The following EXOC4 variants were observed in gnomAD, a reference collection of about 807,000 sequenced individuals.
The protein encoded by EXOC4 is SEC8-like 1.
In EXOC4, 71 loss-of-function variants were observed where a neutral mutation model predicts 107.2. That is an observed-to-expected ratio of 0.66 (90% confidence interval 0.55 to 0.81). EXOC4 has a LOEUF of 0.81. Ranked by LOEUF, EXOC4 falls within the 30% of genes least tolerant of loss-of-function variation. The pLI is 0.00. For synonymous variants in EXOC4, 456 were observed against 441.2 expected (o/e 1.03, Z -0.42); for missense variants, 1,108 against 1,189.6 (o/e 0.93, Z 1.01).
the EXOC4 span, among the ~76,000 whole-genome samples, chr7:134,076,812 C>G: frequency 6.6e-6 from 1 of 151,828 alleles, no homozygotes; most frequent in Non-Finnish European, 1.5e-5. Context: ...CTTTGCACCC[C>G]TAGAATTACA....
At chr7:133,533,660 C>T (rs1463547493) in intron 9 of EXOC4, among the ~76,000 whole-genome samples, 1 of 152,088 alleles carries the variant, frequency 6.6e-6, no homozygotes, top group Non-Finnish European at 1.5e-5. Context: ...TTCTGTGTTA[C>T]CTTTAAAAAG....
rs545046855 is a variant in EXOC4, at chr7:133,673,124, T to C, written c.1514+42983T>C. Among the ~76,000 whole-genome samples, 17 of 152,282 alleles carry C rather than the reference T, an allele frequency of 1.1e-4. No individual in the cohort carries two copies. In the South Asian group the frequency reaches 3.5e-3, roughly 32 times the overall value. On this transcript the variant is annotated intron_variant, in intron 10 of 17. Transcript: ENST00000253861. ...TAGAGGAGCTGGATTGGAGATAGCC[T>C]CAGTATTTCTTATTTCAGCAGTTGA...
chr7:133,368,641 T>G (rs985761005), intron 6 of EXOC4, among the ~76,000 whole-genome samples: 1 of 152,218 alleles, frequency 6.6e-6, no homozygotes, highest in Admixed American at 6.5e-5. Flanking sequence ...CCATGTCTAT[T>G]TAATAGAGAG....
At chr7:133,453,945 AAAG>A (rs1798406991) in intron 7 of EXOC4, among the ~76,000 whole-genome samples, 2 of 152,148 alleles carry the variant, frequency 1.3e-5, no homozygotes, top group Non-Finnish European at 2.9e-5. Context: ...TACAAGAGAT[AAAG>A]AAGAAGTGTA....
chr7:133,946,389 C>T (rs11764961), intron 14 of EXOC4, among the ~76,000 whole-genome samples: 1 of 152,086 alleles, frequency 6.6e-6, no homozygotes, highest in South Asian at 2.1e-4. Flanking sequence ...GGCCTTATCT[C>T]ATTAACATTA....
chr7:133,838,682 GGTA>G (rs1354801086), intron 11 of EXOC4, among the ~76,000 whole-genome samples: 5 of 152,160 alleles, frequency 3.3e-5, no homozygotes, highest in African/African-American at 9.7e-5. Context: ...GCAAGTCCAT[GGTA>G]CTACTTTACA....
intron 5 of EXOC4, among the ~76,000 whole-genome samples, chr7:133,327,562 C>T (rs909928856): frequency 6.6e-6 from 1 of 152,142 alleles, no homozygotes; most frequent in African/African-American, 2.4e-5. Context: ...CCTGCTTTCT[C>T]TTGTGGGCAT....
In EXOC4 at chr7:133,981,581, T is replaced by C. The variant is rs577041592; in HGVS notation, c.2207-15911T>C. 6.6e-5 allele frequency among the ~76,000 whole-genome samples: 10 copies of C among 151,628 alleles called. No individual in the cohort carries two copies. The East Asian group carries it at 1.9e-3, about 30-fold the overall frequency. Reference sequence around the variant, plus strand: ...CTCACACCAGTCAGAATAGCTATTATTAAAAAGTCAGAAAAATAACAAATG... The same window carrying C: ...CTCACACCAGTCAGAATAGCTATTACTAAAAAGTCAGAAAAATAACAAATG... On this transcript the variant is annotated intron_variant, in intron 14 of 17. Transcript: ENST00000253861.
chr7:133,904,430 A>G (rs1171883751), intron 12 of EXOC4, among the ~76,000 whole-genome samples: 2 of 152,180 alleles, frequency 1.3e-5, no homozygotes, highest in Non-Finnish European at 2.9e-5. Flanking sequence ...CCAAACAGCA[A>G]ACTCTATCTC....
chr7:133,555,904 C>T (rs922739961), intron 9 of EXOC4, among the ~76,000 whole-genome samples: 4 of 152,264 alleles, frequency 2.6e-5, no homozygotes, highest in African/African-American at 4.8e-5. Context: ...AACCACTTGA[C>T]GTGATTTTTC....
chr7:133,321,622 T>C (rs546471666), intron 5 of EXOC4, among the ~76,000 whole-genome samples: 2 of 152,338 alleles, frequency 1.3e-5, no homozygotes, highest in South Asian at 2.1e-4. Flanking sequence ...ATCCAGTCTA[T>C]CATTGATGGA....
At chr7:133,626,659 G>A (rs932222814) in intron 9 of EXOC4, among the ~76,000 whole-genome samples, 1 of 152,198 alleles carries the variant, frequency 6.6e-6, no homozygotes, top group African/African-American at 2.4e-5. Flanking sequence ...TCTGTAGCTA[G>A]CAGGGGTTTA....
chr7:133,813,457 C>T (rs60103819), intron 10 of EXOC4, among the ~76,000 whole-genome samples: 3,912 of 152,150 alleles, frequency 0.026, 174 homozygotes, highest in African/African-American at 0.088. Flanking sequence ...AAAAGAGTTT[C>T]GGTGTATTTA....
chr7:133,900,451 A>G (rs924302068), intron 12 of EXOC4, among the ~76,000 whole-genome samples: 2 of 152,304 alleles, frequency 1.3e-5, no homozygotes, highest in Middle Eastern at 3.4e-3. Flanking sequence ...AATGTCTAGG[A>G]TGTGGAAAGG....
In EXOC4 at chr7:133,946,755, C is replaced by T. The variant is rs77526105; in HGVS notation, c.2206+8686C>T. Among the ~76,000 whole-genome samples the T allele has an allele frequency of 4.5e-4, 69 of 152,322 alleles. 1 individual carries two copies. The East Asian group carries it at 0.013, about 29-fold the overall frequency. On this transcript the variant is annotated intron_variant, in intron 14 of 17. Coordinates refer to ENST00000253861, the MANE Select transcript of EXOC4 (RefSeq NM_021807.4). ...GACCTCTCTGTCTCCTTCTGTTTATCGTGCAAGCTTCAGACTGACCCCAGT... is the reference window on the plus strand; with the variant it reads ...GACCTCTCTGTCTCCTTCTGTTTATTGTGCAAGCTTCAGACTGACCCCAGT...
At chr7:134,095,043 C>G in the EXOC4 span, among the ~76,000 whole-genome samples, 1 of 151,966 alleles carries the variant, frequency 6.6e-6, no homozygotes, top group South Asian at 2.1e-4. Flanking sequence ...GGATTCTATA[C>G]CTTGAAAACC....
chr7:133,949,495 G>C (rs946064342), intron 14 of EXOC4, among the ~76,000 whole-genome samples: 1 of 152,178 alleles, frequency 6.6e-6, no homozygotes, highest in Non-Finnish European at 1.5e-5. Flanking sequence ...TATCTGATCA[G>C]ATTCTTCAAG....
intron 2 of EXOC4, among the ~76,000 whole-genome samples, chr7:133,287,604 C>G (rs1439163539): frequency 5.9e-5 from 9 of 152,130 alleles, no homozygotes; most frequent in Non-Finnish European, 5.9e-5. Flanking sequence ...TGAGCCACTG[C>G]GCCTGGCCTA....
At chr7:133,910,602 G>T (rs529359933) in intron 12 of EXOC4, among the ~76,000 whole-genome samples, 1 of 152,212 alleles carries the variant, frequency 6.6e-6, no homozygotes, top group South Asian at 2.1e-4. Flanking sequence ...TTTTGTTTTT[G>T]TGTTTGTTTT....
Sources: allele counts gnomAD v4.1 joint callset (sites outside exome capture counted in the v4.1 genomes callset), GRCh38; gene constraint gnomAD v4.1.1; transcripts MANE v1.5; gene names NCBI Gene and HGNC (gene_info 2026-07-23, HGNC 2026-07-21).